ABCA12: variants seen among roughly 807,000 people sequenced by gnomAD.
The protein encoded by ABCA12 is glucosylceramide transporter ABCA12.
In ABCA12, 156 loss-of-function variants were observed where a neutral mutation model predicts 293.5. The observed-to-expected ratio is 0.53, with a 90% CI of 0.47 to 0.61. The LOEUF (loss-of-function observed/expected upper bound fraction) is 0.61. Among genes scored for constraint, ABCA12 ranks in the 20% least tolerant of loss-of-function variants. ABCA12 has a pLI of 0.00. For synonymous variants in ABCA12, 1,063 were observed against 1,108.0 expected, an observed-to-expected ratio of 0.96 and a Z score of 0.81; for missense variants, 2,797 against 3,090.2, an observed-to-expected ratio of 0.91 and a Z score of 2.25.
chr2:215,010,683 C>G, intron 17 of ABCA12, among the ~76,000 whole-genome samples: 1 of 151,886 alleles, frequency 6.6e-6, no homozygotes. Context: ...ATAAGCAAGC[C>G]CAGAGTAAGT....
At chr2:215,032,709 G>A (rs552488808) in intron 8 of ABCA12, 16 of 152,006 alleles carry the variant, frequency 1.1e-4, no homozygotes, top group East Asian at 7.7e-4. Context: ...AGCTCCTTTA[G>A]GGAAATGATA....
chr2:215,128,775 A>G lies in ABCA12; in HGVS notation c.69+9365T>C, dbSNP rs571718648. 2.0e-4 allele frequency among the ~76,000 whole-genome samples: 30 copies of G among 152,070 alleles called. No individual in the cohort carries two copies. The South Asian group carries it at 2.3e-3, about 12-fold the overall frequency. ...CCCTCCCTGATTAGCTTAATAACTA[A>G]CCTACTGAATTCTTTGTCAGGTAAA... On this transcript the variant is annotated intron_variant, in intron 1 of 52. Coordinates refer to ENST00000272895, the MANE Select transcript of ABCA12 (RefSeq NM_173076.3).
In ABCA12 at chr2:215,049,662, C is replaced by T; in HGVS notation, c.657G>A (p.Glu219=). Residue 219 remains glutamate (E), a synonymous_variant, in exon 6 of 53, where the codon GAG becomes GAA. Transcript: ENST00000272895. ...KFCLSNMTLL[E]SSLQELNKQF... ...GTTTGTTTAGTTCTTGGAGAGAAGA[C>T]TCTAAAAGGGTCATGTTAGAAAGGC... The T allele has an allele frequency of 6.2e-7, 1 of 1,613,530 alleles. No homozygotes were observed.
At chr2:215,079,372 T>G (rs1191852896) in intron 2 of ABCA12, among the ~76,000 whole-genome samples, 1 of 152,164 alleles carries the variant, frequency 6.6e-6, no homozygotes, top group African/African-American at 2.4e-5. Flanking sequence ...AAAATGTAAG[T>G]GAGGGAACCT....
At chr2:215,082,115 G>A (rs1393105992) in intron 2 of ABCA12, among the ~76,000 whole-genome samples, 1 of 135,222 alleles carries the variant, frequency 7.4e-6, no homozygotes, top group African/African-American at 2.8e-5. Context: ...CACGATCTCG[G>A]CTCACTGCAA....
rs1574934727 is a variant in ABCA12, at chr2:214,950,969, G to A, written c.6762C>T (p.Val2254=). The A allele has an allele frequency of 6.2e-7, 1 of 1,614,032 alleles. No homozygotes were observed. Among genetic ancestry groups the A allele is most frequent in the East Asian group, 2.2e-5 (1 of 44,852 alleles). The change falls in exon 45 of 53, where the codon GTC becomes GTT. Residue 2254 remains valine (V), a synonymous_variant. Coordinates refer to ENST00000272895, the MANE Select transcript of ABCA12 (RefSeq NM_173076.3). ...AGGTCTTTGTGAGACAATAAAGTTG[G>A]ACCAAGTCAAATTCAGCTGCACCAC... ...VESGAAEFDL[V]QLYCLTKTYQ...
intron 49 of ABCA12, 77 bp from the exon 50 acceptor site, chr2:214,943,094 T>A: frequency 9.0e-7 from 1 of 1,107,776 alleles, no homozygotes; most frequent in South Asian, 1.3e-5. Flanking sequence ...ATAAGCATAA[T>A]TGTTTCATTA....
At chr2:214,978,661 T>G in intron 32 of ABCA12, 143 bp downstream of exon 32, 1 of 1,077,260 alleles carries the variant, frequency 9.3e-7, no homozygotes, top group South Asian at 1.4e-5. Flanking sequence ...CAGTCTTACA[T>G]AAGAATAGTA....
chr2:215,124,657 T>C (rs1199489118), intron 1 of ABCA12, among the ~76,000 whole-genome samples: 1 of 152,194 alleles, frequency 6.6e-6, no homozygotes, highest in Non-Finnish European at 1.5e-5. Context: ...GATTGTTTGT[T>C]TTTTTCTTGC....
intron 8 of ABCA12, 157 bp from the exon 9 acceptor site, chr2:215,032,053 T>C: frequency 1.3e-6 from 2 of 1,496,760 alleles, no homozygotes; most frequent in South Asian, 2.6e-5. Context: ...TCTATGCTCT[T>C]TTGTTGGAAA....
chr2:215,028,330 G>A (rs1414388321), intron 9 of ABCA12, among the ~76,000 whole-genome samples: 4 of 152,184 alleles, frequency 2.6e-5, no homozygotes, highest in African/African-American at 9.6e-5. Flanking sequence ...GAAATACATG[G>A]CAAGAAAAGT....
intron 1 of ABCA12, 51 bp from the exon 2 acceptor site, chr2:215,111,741 T>G: frequency 7.2e-7 from 1 of 1,381,124 alleles, no homozygotes; most frequent in South Asian, 1.2e-5. Context: ...GAACCAAAGA[T>G]TTTTAAAACC....
chr2:215,039,188 T>C (rs1361673237), intron 7 of ABCA12: 1 of 152,242 alleles, frequency 6.6e-6, no homozygotes, highest in African/African-American at 2.4e-5. Flanking sequence ...TTTAACATTA[T>C]ATAATCTGAT....
chr2:215,102,800 C>A (rs1260303953), intron 2 of ABCA12, among the ~76,000 whole-genome samples: 1 of 152,158 alleles, frequency 6.6e-6, no homozygotes, highest in Non-Finnish European at 1.5e-5. Context: ...CTGATGAACT[C>A]CTACTCATTC....
chr2:215,101,011 T>C (rs1034907359), intron 2 of ABCA12, among the ~76,000 whole-genome samples: 7 of 152,166 alleles, frequency 4.6e-5, no homozygotes, highest in African/African-American at 1.7e-4. Context: ...CAGTACTCTC[T>C]GAGAGGAGGT....
intron 1 of ABCA12, among the ~76,000 whole-genome samples, chr2:215,122,567 G>A (rs1031261218): frequency 2.0e-5 from 3 of 152,222 alleles, no homozygotes; most frequent in African/African-American, 7.2e-5. Flanking sequence ...GGTATGTCAA[G>A]CTTGATCCAA....
At chr2:214,995,355 G>T (rs1373247391) in intron 23 of ABCA12, among the ~76,000 whole-genome samples, 1 of 152,192 alleles carries the variant, frequency 6.6e-6, no homozygotes, top group Non-Finnish European at 1.5e-5. Context: ...AATATGAAAA[G>T]ATAGTATTAA....
chr2:214,954,167 T>C (rs1179174570), intron 43 of ABCA12, 60 bp from the exon 44 acceptor site: 15 of 1,574,276 alleles, frequency 9.5e-6, no homozygotes, highest in Non-Finnish European at 1.3e-5. Context: ...CTGACAAAAA[T>C]TTAAAACTAG....
At chr2:214,977,274 C>T (rs549950391) in intron 33 of ABCA12, among the ~76,000 whole-genome samples, 1 of 152,318 alleles carries the variant, frequency 6.6e-6, no homozygotes, top group East Asian at 1.9e-4. Flanking sequence ...TTATAAGACA[C>T]ATGCAGAGGC....
Sources: allele counts gnomAD v4.1 joint callset (sites outside exome capture counted in the v4.1 genomes callset), GRCh38; gene constraint gnomAD v4.1.1; transcripts MANE v1.5; gene names NCBI Gene and HGNC (gene_info 2026-07-23, HGNC 2026-07-21).